STK4: variants seen among roughly 807,000 people sequenced by gnomAD.
STK4 encodes serine/threonine-protein kinase 4.
A neutral mutation model predicts 64.9 loss-of-function variants in STK4; 30 were observed. That is an observed-to-expected ratio of 0.46 (90% confidence interval 0.35 to 0.63). STK4 has a LOEUF of 0.63. STK4 is among the 20% of genes least tolerant of loss of function. STK4 has a pLI of 0.01. For synonymous variants in STK4, 177 were observed against 199.0 expected, an observed-to-expected ratio of 0.89 and a Z score of 0.93; for missense variants, 466 against 598.5, an observed-to-expected ratio of 0.78 and a Z score of 2.31.
chr20:44,971,238 T>G (rs1286402689), intron 1 of STK4, among the ~76,000 whole-genome samples: 3 of 152,156 alleles, frequency 2.0e-5, no homozygotes, highest in African/African-American at 7.2e-5. Flanking sequence ...TCTAGCATAG[T>G]CAGAAATCTG....
At chr20:45,017,270 A>G (rs1164498827) in intron 9 of STK4, among the ~76,000 whole-genome samples, 3 of 152,204 alleles carry the variant, frequency 2.0e-5, no homozygotes, top group African/African-American at 7.2e-5. Flanking sequence ...TAATTGTTCT[A>G]ATTCCTTATG....
At chr20:45,011,731 T>TATATATATATATATATATATA (rs1428985946) in intron 9 of STK4, among the ~76,000 whole-genome samples, 83 of 81,092 alleles carry the variant, frequency 1.0e-3, no homozygotes, top group African/African-American at 1.5e-3. Context: ...ATATATATAT[T>TATATATATATATATATATATA]TTTTTTTTTT....
chr20:45,053,465 G>T (rs1978302585), intron 10 of STK4, among the ~76,000 whole-genome samples: 1 of 152,144 alleles, frequency 6.6e-6, no homozygotes, highest in East Asian at 1.9e-4. Flanking sequence ...TTTATTCTCT[G>T]ATATTAAACT....
At chr20:45,014,239 G>A (rs1222499270) in intron 9 of STK4, among the ~76,000 whole-genome samples, 1 of 151,818 alleles carries the variant, frequency 6.6e-6, no homozygotes, top group Non-Finnish European at 1.5e-5. Context: ...AGCCTGACCA[G>A]CATGGCGAAA....
intron 10 of STK4, among the ~76,000 whole-genome samples, chr20:45,057,215 A>G (rs1026659157): frequency 1.3e-5 from 2 of 152,196 alleles, no homozygotes; most frequent in African/African-American, 4.8e-5. Flanking sequence ...CCACATTGCC[A>G]TCTCCCATGC....
chr20:45,063,182 T>C (rs979094205), intron 10 of STK4, among the ~76,000 whole-genome samples: 2 of 150,116 alleles, frequency 1.3e-5, no homozygotes, highest in Admixed American at 1.3e-4. Context: ...TGTTTTTGTA[T>C]TTTTTTGTAG....
At chr20:45,004,741 ATCCTTTTTTTC>A (rs1445018128) in intron 9 of STK4, among the ~76,000 whole-genome samples, 2 of 144,510 alleles carry the variant, frequency 1.4e-5, no homozygotes, top group African/African-American at 2.5e-5. Context: ...TTGTCATGAA[ATCCTTTTTTTC>A]TCCTTTTTTT....
chr20:45,001,394 A>G, intron 9 of STK4, 41 bp downstream of exon 9: 1 of 1,569,604 alleles, frequency 6.4e-7, no homozygotes, highest in Non-Finnish European at 8.7e-7. Context: ...TAGACCAAGC[A>G]TACATATTTC....
chr20:45,002,352 GTTTA>G, intron 9 of STK4, among the ~76,000 whole-genome samples: 1 of 152,138 alleles, frequency 6.6e-6, no homozygotes, highest in South Asian at 2.1e-4. Context: ...TCAATGAGTT[GTTTA>G]TTCTTTTCAG....
At chr20:44,988,565 A>ATATATATATATATG (rs2067578171) in intron 5 of STK4, among the ~76,000 whole-genome samples, 1 of 143,814 alleles carries the variant, frequency 7.0e-6, no homozygotes, top group African/African-American at 2.6e-5. Flanking sequence ...ATATATATAT[A>ATATATATATATATG]TATGTATCCA....
chr20:45,004,522 G>GT (rs1300618885), intron 9 of STK4: 3 of 139,608 alleles, frequency 2.1e-5, no homozygotes, highest in South Asian at 4.5e-4. Flanking sequence ...AATTTTTCAT[G>GT]GTTTTTTTTT....
intron 6 of STK4, among the ~76,000 whole-genome samples, chr20:44,996,886 A>G (rs1210013341): frequency 2.0e-5 from 3 of 151,954 alleles, no homozygotes; most frequent in Non-Finnish European, 4.4e-5. Context: ...TTTGAAAGGC[A>G]ATGTACTGTG....
rs192687818 is a variant in STK4, at chr20:45,030,850, T to C, written c.1305+5720T>C. ...ATAAAGCCACAAACAGCTGTAAACTTAAATCCAATTTGGCTCATGAATCTT... is the reference window on the plus strand; with the variant it reads ...ATAAAGCCACAAACAGCTGTAAACTCAAATCCAATTTGGCTCATGAATCTT... On this transcript the variant is annotated intron_variant, in intron 10 of 10. Transcript: ENST00000372806. 9.8e-5 allele frequency among the ~76,000 whole-genome samples: 15 copies of C among 152,302 alleles called. No individual in the cohort carries two copies. In the East Asian group the frequency reaches 2.3e-3, roughly 24 times the overall value.
chr20:45,057,744 G>A (rs1978612519), intron 10 of STK4, among the ~76,000 whole-genome samples: 1 of 152,168 alleles, frequency 6.6e-6, no homozygotes, highest in Admixed American at 6.5e-5. Context: ...GCCTAGATGA[G>A]CTTACTGCTA....
chr20:45,066,036 A>AGCTGTAAAAT (rs1324790914), intron 10 of STK4, among the ~76,000 whole-genome samples: 1 of 152,144 alleles, frequency 6.6e-6, no homozygotes, highest in African/African-American at 2.4e-5. Context: ...GCCAAAGAGA[A>AGCTGTAAAAT]GCTGTAAAAT....
intron 9 of STK4, among the ~76,000 whole-genome samples, chr20:45,020,249 A>G (rs2068218339): frequency 6.6e-6 from 1 of 152,188 alleles, no homozygotes; most frequent in Admixed American, 6.5e-5. Flanking sequence ...ATTAAGTGTA[A>G]GGCTTTTCCC....
rs141356943 is a variant in STK4 at position 45,066,535 on chromosome 20, C to T, written c.1306-8483C>T. ...TGTCAGAGGTCTTGTCATTACATCA[C>T]CATGCCTGCTTGAAGCCAGATTTCT... On this transcript the variant is annotated intron_variant, in intron 10 of 10. Transcript: ENST00000372806. 4.5e-4 allele frequency among the ~76,000 whole-genome samples: 68 copies of T among 152,344 alleles called. No individual in the cohort carries two copies. The East Asian group carries it at 0.012, about 28-fold the overall frequency.
At chr20:45,034,457 A>G (rs2068494569) in intron 10 of STK4, among the ~76,000 whole-genome samples, 1 of 152,138 alleles carries the variant, frequency 6.6e-6, no homozygotes, top group South Asian at 2.1e-4. Flanking sequence ...AGATAAATAG[A>G]TGTTTAAACA....
intron 10 of STK4, among the ~76,000 whole-genome samples, chr20:45,038,849 A>G (rs933880635): frequency 6.6e-6 from 1 of 152,100 alleles, no homozygotes; most frequent in Non-Finnish European, 1.5e-5. Context: ...ATGAAAAATG[A>G]CCATTTTCCC....
Sources: gnomAD v4.1 joint callset for allele counts (sites outside exome capture counted in the v4.1 genomes callset) on GRCh38, gnomAD v4.1.1 for gene constraint, MANE v1.5 for transcripts, NCBI Gene and HGNC (gene_info 2026-07-23, HGNC 2026-07-21) for gene names.